Variants in EVPL observed in about 807,000 individuals in gnomAD.
The protein encoded by EVPL is 210 kDa cornified envelope precursor protein.
A neutral mutation model predicts 129.7 loss-of-function variants in EVPL; 94 were observed. That is an observed-to-expected ratio of 0.72 (90% CI 0.61 to 0.86). EVPL has a LOEUF of 0.86. Among genes scored for constraint, EVPL ranks in the 40% least tolerant of loss-of-function variants. EVPL has a pLI of 0.00. For missense variants in EVPL, 2,625 were observed against 2,721.1 expected (o/e 0.96, Z 0.79); for synonymous variants, 1,172 against 1,191.1 (o/e 0.98, Z 0.33).
chr17:76,007,577 G>T lies in EVPL; in HGVS notation c.5628C>A (p.Arg1876=). 1 of 1,614,046 alleles carries T rather than the reference G, an allele frequency of 6.2e-7. No homozygotes were observed. Among genetic ancestry groups the T allele is most frequent in the Non-Finnish European group, 8.5e-7 (1 of 1,180,040 alleles). Residue 1876 remains arginine (R), a synonymous_variant, in exon 22 of 22, where the codon CGC becomes CGA. Transcript: ENST00000301607. The surrounding 1 kb of genome is among the most constrained non-coding windows in gnomAD (Gnocchi z 8.8). The part of the protein sequence containing the change: ...GGIVDLLSRE[R]YSVHKAMERG... ...TCTCCATCGCCTTGTGCACAGAGTAGCGCTCACGGCTGAGCAGGTCCACGA... is the reference window on the plus strand; with the variant it reads ...TCTCCATCGCCTTGTGCACAGAGTATCGCTCACGGCTGAGCAGGTCCACGA...
rs751915093 is a variant in EVPL, at chr17:76,023,481, C to T, written c.353+19G>A. ...GGGTCTTCCCCAGGGACCCCCAGCC[C>T]TGCCGCAGCTCCACTCACTCCTTCT... On this transcript the variant is annotated intron_variant, in intron 3 of 21. Coordinates refer to ENST00000301607, the MANE Select transcript of EVPL (RefSeq NM_001988.4). 3 of 1,611,938 alleles carry T rather than the reference C, an allele frequency of 1.9e-6. No homozygotes were observed. In the South Asian group the frequency reaches 3.3e-5, roughly 18 times the overall value.
intron 11 of EVPL, 34 bp downstream of exon 11, chr17:76,018,880 G>T: frequency 6.7e-7 from 1 of 1,503,384 alleles, no homozygotes. Flanking sequence ...GGCGGGGCTG[G>T]ATGGTGGCAG....
At chr17:76,016,923 A>G (rs1021779277) in intron 14 of EVPL, among the ~76,000 whole-genome samples, 30 of 148,576 alleles carry the variant, frequency 2.0e-4, no homozygotes, top group African/African-American at 7.5e-4. Context: ...CTCATAAAAC[A>G]AAAAACAGAC....
At chr17:76,019,125 C>T (rs138036230) in intron 10 of EVPL, 65 bp from the exon 11 acceptor site, 3 of 1,458,076 alleles carry the variant, frequency 2.1e-6, no homozygotes, top group East Asian at 2.6e-5. Flanking sequence ...CACACCATAC[C>T]TGTCCTTCAA....
chr17:76,018,075 G>T (rs886727748), intron 13 of EVPL, 86 bp downstream of exon 13: 1 of 1,534,556 alleles, frequency 6.5e-7, no homozygotes, highest in Non-Finnish European at 8.8e-7. Context: ...AACCCAAGGC[G>T]ACCCCTGCCC....
At chr17:76,012,157 T>C in intron 18 of EVPL, 68 bp from the exon 19 acceptor site, 1 of 1,254,134 alleles carries the variant, frequency 8.0e-7, no homozygotes, top group Non-Finnish European at 1.1e-6. Context: ...CTCTAGCCAG[T>C]GCCTCCAGGG....
At position 76,019,589 on chromosome 17, in the gene EVPL, T is replaced by G. The variant is rs750090060; in HGVS notation, c.1076A>C (p.Lys359Thr). Residue 359 changes from lysine to threonine, a missense_variant, in exon 10 of 22, where the codon AAG becomes ACG. Lys to Thr is a moderately conservative substitution (Grantham distance 78). Transcript: ENST00000301607. ...LAKLNSNLDAKYSPAPGGPPG... is the reference protein window; with the variant it reads ...LAKLNSNLDATYSPAPGGPPG... ...GGGGCCCCCAGGTGCAGGGCTGTAC[T>G]TGGCATCCAAGTTGGAGTTGAGCTT... 1.0e-5 allele frequency: 16 copies of G among 1,604,794 alleles called. 1 individual carries two copies. In the African/African-American group the frequency reaches 1.9e-4, roughly 19 times the overall value.
rs2066365372 is a variant in EVPL at position 76,010,214 on chromosome 17, G to A, written c.2991C>T (p.Ala997=). 2.5e-6 allele frequency: 4 copies of A among 1,613,882 alleles called. No individual in the cohort carries two copies. Among genetic ancestry groups the A allele is most frequent in the East Asian group, 2.2e-5 (1 of 44,870 alleles). The change falls in exon 22 of 22, where the codon GCC becomes GCT. Residue 997 remains alanine (A), a synonymous_variant. Coordinates refer to ENST00000301607, the MANE Select transcript of EVPL (RefSeq NM_001988.4). ...TGCTTTCCAGCTGCACGACCTTCTG[G>A]GCTGCCACTTCCAGGTCTGCCTGCA... The part of the protein sequence containing the change: ...AGLQADLEVA[A]QKVVQLESKR...
intron 13 of EVPL, 55 bp downstream of exon 13, chr17:76,018,106 C>T (rs776879718): frequency 1.2e-5 from 18 of 1,547,546 alleles, no homozygotes; most frequent in Middle Eastern, 1.7e-4. Flanking sequence ...AGTCGGAAGT[C>T]GGAATCTACT....
At position 76,007,651 on chromosome 17, in the gene EVPL, G is replaced by A. The variant is rs781591476; in HGVS notation, c.5554C>T (p.Pro1852Ser). The change falls in exon 22 of 22, where the codon CCC (proline) becomes TCC (serine). Residue 1852 changes from proline (P) to serine (S), a missense_variant. Transcript: ENST00000301607. This position sits in a 1 kb window ranked among gnomAD's most constrained non-coding sequence, Gnocchi z 8.8. The stretch of plus-strand genomic sequence containing the variant: ...TCCAGTAGCTTCTGCCCAGTGATGG[G>A]GTCCAGCATGTTCTTGGCCACGGCC... ...KTAVAKNMLD[P>S]ITGQKLLEAQ... 21 of 1,613,732 alleles carry A rather than the reference G, an allele frequency of 1.3e-5. No individual in the cohort carries two copies. The highest frequency in any genetic ancestry group is 1.8e-5 in the Non-Finnish European group (21 of 1,180,048).
chr17:76,012,955 A>G (rs902869854), intron 18 of EVPL, among the ~76,000 whole-genome samples: 2 of 151,792 alleles, frequency 1.3e-5, no homozygotes, highest in Admixed American at 6.6e-5. Flanking sequence ...CGTGTTAGCC[A>G]GGATGGTCTC....
rs2144441778 is a variant in EVPL, at chr17:76,024,123, A to G, written c.99-3T>C. The G allele has an allele frequency of 6.2e-7, 1 of 1,613,054 alleles. No individual in the cohort carries two copies. The highest frequency in any genetic ancestry group is 8.5e-7 in the Non-Finnish European group (1 of 1,179,688). The stretch of plus-strand genomic sequence containing the variant: ...GGGCCAGCTCCTGGGTGGCAGCCCT[A>G]GTGTGTGGAGGGGACAGCGGGTAGC... On this transcript the variant is annotated splice_region_variant and splice_polypyrimidine_tract_variant and intron_variant, in intron 1 of 21. Coordinates refer to ENST00000301607, the MANE Select transcript of EVPL (RefSeq NM_001988.4). This position sits in a 1 kb window ranked among gnomAD's most constrained non-coding sequence, Gnocchi z 4.5.
Position 76,011,892 on chromosome 17 carries a change from G to A in EVPL, c.2458-10C>T, listed in dbSNP as rs760063073. On this transcript the variant is annotated splice_polypyrimidine_tract_variant and intron_variant, in intron 19 of 21. Coordinates refer to ENST00000301607, the MANE Select transcript of EVPL (RefSeq NM_001988.4). Reference sequence around the variant, plus strand: ...CCTGGAGCTCATAGTCCTGAGCAGGGAGGAAAGGACAGCAGGCTGGCAACC... The same window carrying A: ...CCTGGAGCTCATAGTCCTGAGCAGGAAGGAAAGGACAGCAGGCTGGCAACC... 1.2e-6 allele frequency: 2 copies of A among 1,612,756 alleles called. No homozygotes were observed. Among genetic ancestry groups the A allele is most frequent in the South Asian group, 1.1e-5 (1 of 90,924 alleles).
chr17:76,019,101 C>A (rs377428928), intron 10 of EVPL, 41 bp from the exon 11 acceptor site: 24 of 1,528,334 alleles, frequency 1.6e-5, no homozygotes, highest in Non-Finnish European at 2.1e-5. Flanking sequence ...GGCCAGGCTG[C>A]ATTGGAGGCT....
intron 18 of EVPL, 150 bp downstream of exon 18, chr17:76,014,276 C>T (rs560886445): frequency 1.8e-6 from 2 of 1,119,058 alleles, no homozygotes; most frequent in South Asian, 1.6e-5. Flanking sequence ...CTGGCCCCGT[C>T]TGTGGGCAAA....
rs772883666 is a variant in EVPL, at chr17:76,009,373, T to G, written c.3832A>C (p.Asn1278His). The stretch of plus-strand genomic sequence containing the variant: ...CGCCCGTGGCTGTTGACGAGCTCGT[T>G]GAGCTGAGCCTTCAGGCGGTCGATC... Reference protein sequence around the residue: ...REIDRLKAQLNELVNSHGRSQ... With the variant: ...REIDRLKAQLHELVNSHGRSQ... Residue 1278 changes from asparagine to histidine, a missense_variant, in exon 22 of 22, where the codon AAC (asparagine) becomes CAC (histidine). Transcript: ENST00000301607. The surrounding 1 kb of genome is among the most constrained non-coding windows in gnomAD (Gnocchi z 5.9). 2.5e-6 allele frequency: 4 copies of G among 1,613,712 alleles called. No individual in the cohort carries two copies. The highest frequency in any genetic ancestry group is 3.4e-6 in the Non-Finnish European group (4 of 1,180,016).
chr17:76,011,587 T>C lies in EVPL; in HGVS notation c.2650A>G (p.Met884Val), dbSNP rs1297363991. 2 of 1,613,904 alleles carry C rather than the reference T, an allele frequency of 1.2e-6. No homozygotes were observed. The highest frequency in any genetic ancestry group is 1.7e-5 in the Admixed American group (1 of 60,016). The change falls in exon 21 of 22, where the codon ATG becomes GTG. Residue 884 changes from methionine (M) to valine (V), a missense_variant. Transcript: ENST00000301607. ...TGTTGTCTGTGTACCTTCTCCAGCA[T>C]TTTTCTAGCAAACTCCAGCTGCTGG... Reference protein sequence around the residue: ...LLQQLEFARKMLEKKELSEDI... With the variant: ...LLQQLEFARKVLEKKELSEDI...
rs2066338222 is a variant in EVPL at position 76,008,224 on chromosome 17, C to T, written c.4981G>A (p.Asp1661Asn). 2.5e-6 allele frequency: 4 copies of T among 1,613,998 alleles called. No homozygotes were observed. The highest frequency in any genetic ancestry group is 3.4e-6 in the Non-Finnish European group (4 of 1,180,026). The change falls in exon 22 of 22, where the codon GAC (aspartate) becomes AAC (asparagine). Residue 1661 changes from aspartate to asparagine, a missense_variant. Around this residue, in one of 4 missense-constraint regions of EVPL, gnomAD observed 1,453 missense variants for 1,511.8 expected, o/e 0.96. Transcript: ENST00000301607. This position sits in a 1 kb window ranked among gnomAD's most constrained non-coding sequence, Gnocchi z 7.4. ...QIYEKERTLRDLHAKVSREEL... is the reference protein window; with the variant it reads ...QIYEKERTLRNLHAKVSREEL... The stretch of plus-strand genomic sequence containing the variant: ...TCCCGGCTCACCTTGGCGTGGAGGT[C>T]CCGGAGCGTCCGCTCCTTCTCGTAG...
In EVPL at chr17:76,009,977, C is replaced by A. The variant is rs1567908351; in HGVS notation, c.3228G>T (p.Val1076=). The change falls in exon 22 of 22, where the codon GTG becomes GTT. Residue 1076 remains valine, a synonymous_variant. Transcript: ENST00000301607. This position sits in a 1 kb window ranked among gnomAD's most constrained non-coding sequence, Gnocchi z 5.9. ...REVDVKEKVV[V]KEVVKVEKNL... ...TCTTCTCCACCTTGACTACCTCTTT[C>A]ACCACGACCTTCTCCTTCACGTCCA... 6.2e-7 allele frequency: 1 copy of A among 1,614,024 alleles called. No homozygotes were observed.
Sources: allele counts gnomAD v4.1 joint callset (sites outside exome capture counted in the v4.1 genomes callset), GRCh38; gene constraint gnomAD v4.1.1; regional missense constraint gnomAD v4.1.1; non-coding constraint Gnocchi (gnomAD v3.1); transcripts MANE v1.5; gene names NCBI Gene and HGNC (gene_info 2026-07-23, HGNC 2026-07-21).